Variants in ROBO2 observed in about 807,000 individuals in gnomAD.
ROBO2 encodes roundabout guidance receptor 2.
In ROBO2, 53 loss-of-function variants were observed where a neutral mutation model predicts 160.8. The observed-to-expected ratio is 0.33, with a 90% CI of 0.26 to 0.41. The LOEUF is 0.41. Ranked by LOEUF, ROBO2 falls within the 10% of genes least tolerant of loss-of-function variation. The pLI is 1.00. For synonymous variants in ROBO2, 664 were observed against 611.7 expected (o/e 1.09, Z -1.26); for missense variants, 1,577 against 1,722.4 (o/e 0.92, Z 1.49).
chr3:76,201,346 T>G (rs1474269690), intron 2 of ROBO2, among the ~76,000 whole-genome samples: 1 of 152,192 alleles, frequency 6.6e-6, no homozygotes, highest in East Asian at 1.9e-4. Flanking sequence ...ATCTTTCCAT[T>G]ATTCTTAGGA....
At chr3:77,070,258 G>A (rs145421370) in intron 1 of ROBO2, among the ~76,000 whole-genome samples, 23 of 152,238 alleles carry the variant, frequency 1.5e-4, no homozygotes, top group African/African-American at 5.3e-4. Flanking sequence ...TGTTGTTTAA[G>A]CCACTCAGTT....
chr3:76,925,197 C>T (rs1002327176), intron 2 of ROBO2, among the ~76,000 whole-genome samples: 1 of 128,196 alleles, frequency 7.8e-6, no homozygotes, highest in Admixed American at 8.6e-5. Flanking sequence ...GGCGACAGAG[C>T]GAGACTCCGT....
intron 2 of ROBO2, among the ~76,000 whole-genome samples, chr3:76,079,700 G>T (rs1188324064): frequency 6.6e-6 from 1 of 151,882 alleles, no homozygotes; most frequent in Non-Finnish European, 1.5e-5. Context: ...TGCCCAGGCT[G>T]GTCTCGAACT....
chr3:77,005,876 GTC>G (rs2061552183), intron 2 of ROBO2, among the ~76,000 whole-genome samples: 1 of 152,130 alleles, frequency 6.6e-6, no homozygotes, highest in African/African-American at 2.4e-5. Context: ...TAAATATTCT[GTC>G]TCTTTGTCCT....
At chr3:76,005,423 G>C (rs2065993666) in intron 2 of ROBO2, among the ~76,000 whole-genome samples, 1 of 152,150 alleles carries the variant, frequency 6.6e-6, no homozygotes, top group Admixed American at 6.5e-5. Context: ...CTATGTTTTT[G>C]TTATCTTAGA....
intron 2 of ROBO2, among the ~76,000 whole-genome samples, chr3:77,103,407 C>CTTTTTT: frequency 6.8e-6 from 1 of 146,648 alleles, no homozygotes; most frequent in Non-Finnish European, 1.5e-5. Flanking sequence ...AGAAACCAAT[C>CTTTTTT]TTTTTTTTTT....
At chr3:77,294,590 G>A (rs570227941) in intron 2 of ROBO2, among the ~76,000 whole-genome samples, 2 of 148,250 alleles carry the variant, frequency 1.3e-5, no homozygotes, top group Non-Finnish European at 3.0e-5. Context: ...GGTAAGCTGA[G>A]GCTAGATCAT....
intron 2 of ROBO2, among the ~76,000 whole-genome samples, chr3:76,686,769 C>G (rs578062820): frequency 2.6e-5 from 4 of 151,400 alleles, no homozygotes; most frequent in Non-Finnish European, 5.9e-5. Flanking sequence ...CCAGCCTTGG[C>G]AAACAAGGCA....
chr3:76,774,323 G>C (rs2062098230), intron 2 of ROBO2, among the ~76,000 whole-genome samples: 2 of 150,778 alleles, frequency 1.3e-5, no homozygotes, highest in South Asian at 2.1e-4. Flanking sequence ...TGTATTTTCT[G>C]CATTTACATG....
At chr3:76,154,356 G>A (rs1306377198) in intron 2 of ROBO2, among the ~76,000 whole-genome samples, 2 of 152,100 alleles carry the variant, frequency 1.3e-5, no homozygotes, top group Admixed American at 1.3e-4. Context: ...TTTGTGGGAT[G>A]AGTCAGTGAA....
intron 2 of ROBO2, among the ~76,000 whole-genome samples, chr3:77,021,552 C>A (rs73843446): frequency 0.22 from 33,871 of 152,108 alleles, 5,749 homozygotes; most frequent in African/African-American, 0.48. Flanking sequence ...GGAGGTCCTG[C>A]CCTATACCCA....
intron 2 of ROBO2, among the ~76,000 whole-genome samples, chr3:77,274,421 T>G (rs1333767615): frequency 6.6e-6 from 1 of 152,146 alleles, no homozygotes; most frequent in African/African-American, 2.4e-5. Flanking sequence ...TATTTATTCA[T>G]GAATATAAAA....
At chr3:77,513,410 C>T (rs1176921465) in intron 5 of ROBO2, among the ~76,000 whole-genome samples, 2 of 151,600 alleles carry the variant, frequency 1.3e-5, no homozygotes, top group East Asian at 3.9e-4. Flanking sequence ...TAAATTTAGC[C>T]ATATAGGAAA....
chr3:76,975,136 A>G (rs1352086295), intron 2 of ROBO2, among the ~76,000 whole-genome samples: 1 of 152,166 alleles, frequency 6.6e-6, no homozygotes, highest in Non-Finnish European at 1.5e-5. Flanking sequence ...GTCATTGTTT[A>G]TTGTGTACTT....
intron 2 of ROBO2, among the ~76,000 whole-genome samples, chr3:76,903,612 C>A (rs1436941493): frequency 6.6e-6 from 1 of 152,112 alleles, no homozygotes; most frequent in Non-Finnish European, 1.5e-5. Context: ...CTTCCTCTCA[C>A]AAACTTCCCT....
chr3:76,761,494 A>T (rs1333768604), intron 2 of ROBO2, among the ~76,000 whole-genome samples: 2 of 151,782 alleles, frequency 1.3e-5, no homozygotes, highest in African/African-American at 4.8e-5. Context: ...TCTTTACCAT[A>T]TGGCATATAA....
rs147567552 is a variant in ROBO2 at position 76,780,413 on chromosome 3, G to T, written c.110-317601G>T. On this transcript the variant is annotated intron_variant, in intron 2 of 26. Transcript: ENST00000487694. ...TCTTGTTGATTGTTTTATTTTCTGT[G>T]TAGAAGCTTTTTAGTTTGATGTCAT... is the stretch of plus-strand genomic sequence containing the variant. Among the ~76,000 whole-genome samples, 1,388 of 150,886 alleles carry T rather than the reference G, an allele frequency of 9.2e-3. 23 individuals carry two copies. Among genetic ancestry groups the T allele is most frequent in the African/African-American group, 0.032 (1,304 of 41,324 alleles).
intron 2 of ROBO2, among the ~76,000 whole-genome samples, chr3:76,764,237 T>C (rs2061458963): frequency 6.8e-6 from 1 of 146,624 alleles, no homozygotes; most frequent in Non-Finnish European, 1.5e-5. Context: ...ACCCAAAACA[T>C]GTCACGGCTA....
At position 76,141,116 on chromosome 3, in the gene ROBO2, GCTCTCTCTCTCTCTCTCTCTCTCTCT is replaced by G. The variant is rs55829903; in HGVS notation, c.109+203533_109+203558del. Among the ~76,000 whole-genome samples the G allele has an allele frequency of 1.2e-4, 2 of 16,684 alleles. 1 individual carries two copies. Among genetic ancestry groups the G allele is most frequent in the African/African-American group, 4.1e-4 (2 of 4,884 alleles). 10.9% of individuals were successfully genotyped at this position (16,684 alleles called of 152,430 possible). On this transcript the variant is annotated intron_variant, in intron 2 of 26. Transcript: ENST00000487694. ...TGGGTTTATAGGTATGAGCTACCAT[GCTCTCTCTCTCTCTCTCTCTCTCTCT>G]CTCTCTCTCTCTCTCTCTATATATA...
Sources: gnomAD v4.1 joint callset for allele counts (sites outside exome capture counted in the v4.1 genomes callset) on GRCh38, gnomAD v4.1.1 for gene constraint, MANE v1.5 for transcripts, NCBI Gene and HGNC (gene_info 2026-07-23, HGNC 2026-07-21) for gene names.